The following DNAH9 variants were observed in gnomAD, a reference collection of about 807,000 sequenced individuals.
DNAH9 encodes dynein axonemal heavy chain 9.
Under a neutral mutation model 471.6 loss-of-function variants are expected in DNAH9, and 345 were observed. The observed-to-expected ratio is 0.73, with a 90% CI of 0.67 to 0.80. DNAH9 has a LOEUF of 0.80. Ranked by LOEUF, DNAH9 falls within the 30% of genes least tolerant of loss-of-function variation. The pLI is 0.00. For synonymous variants in DNAH9, 2,093 were observed against 2,123.6 expected, an observed-to-expected ratio of 0.99 and a Z score of 0.40; for missense variants, 5,407 against 5,609.2, an observed-to-expected ratio of 0.96 and a Z score of 1.15.
chr17:11,744,088 A>C (rs1240202766), intron 30 of DNAH9, among the ~76,000 whole-genome samples: 1 of 152,072 alleles, frequency 6.6e-6, no homozygotes, highest in African/African-American at 2.4e-5. Flanking sequence ...TCGGCCTCCC[A>C]AATTGCTGGG....
intron 67 of DNAH9, among the ~76,000 whole-genome samples, chr17:11,949,097 A>G (rs1975261046): frequency 6.6e-6 from 1 of 152,216 alleles, no homozygotes; most frequent in African/African-American, 2.4e-5. Context: ...TCCCTGACTT[A>G]AAAGAACGAA....
At chr17:11,731,044 ATGATGG>A (rs61052087) in intron 28 of DNAH9, among the ~76,000 whole-genome samples, 17,831 of 150,614 alleles carry the variant, frequency 0.12, 859 homozygotes, top group African/African-American at 0.19. Flanking sequence ...GGTGTCAGTG[ATGATGG>A]TGATGGTGAT....
At chr17:11,852,680 G>A (rs1174499403) in intron 49 of DNAH9, among the ~76,000 whole-genome samples, 1 of 151,614 alleles carries the variant, frequency 6.6e-6, no homozygotes, top group Non-Finnish European at 1.5e-5. Context: ...GCAATGAGTT[G>A]GGAGGGTAGT....
chr17:11,643,876 G>A (rs554843793), intron 10 of DNAH9, among the ~76,000 whole-genome samples: 56 of 152,176 alleles, frequency 3.7e-4, no homozygotes, highest in Admixed American at 9.8e-4. Flanking sequence ...ACTATACTAA[G>A]TGTTTGTGTA....
chr17:11,879,196 G>C (rs1972620838), intron 53 of DNAH9, among the ~76,000 whole-genome samples: 1 of 151,894 alleles, frequency 6.6e-6, no homozygotes, highest in African/African-American at 2.4e-5. Flanking sequence ...GAGAGGGCGG[G>C]GTAGGAGTTA....
chr17:11,671,700 T>G (rs1234962278), intron 17 of DNAH9, among the ~76,000 whole-genome samples: 1 of 152,200 alleles, frequency 6.6e-6, no homozygotes, highest in Non-Finnish European at 1.5e-5. Flanking sequence ...TGCTCAGCCC[T>G]GTGCAGGGAA....
intron 41 of DNAH9, among the ~76,000 whole-genome samples, chr17:11,791,015 G>A (rs1361125990): frequency 6.6e-6 from 1 of 152,004 alleles, no homozygotes; most frequent in Non-Finnish European, 1.5e-5. Flanking sequence ...CATTCCTTTA[G>A]AGTTACCCAT....
chr17:11,616,208 A>G (rs146311396), intron 4 of DNAH9, among the ~76,000 whole-genome samples: 15 of 152,328 alleles, frequency 9.8e-5, no homozygotes, highest in African/African-American at 3.6e-4. Flanking sequence ...ATAAAATACT[A>G]AAGTATGAAG....
chr17:11,813,756 T>C (rs890519211), intron 45 of DNAH9, among the ~76,000 whole-genome samples: 3 of 152,216 alleles, frequency 2.0e-5, no homozygotes, highest in Non-Finnish European at 4.4e-5. Flanking sequence ...CAAACCATGA[T>C]AGTAATTTGG....
rs987331263 is a variant in DNAH9 at position 11,926,069 on chromosome 17, G to C, written c.11877+2128G>C. 6.7e-5 allele frequency among the ~76,000 whole-genome samples: 9 copies of C among 134,442 alleles called. No homozygotes were observed. In the South Asian group the frequency reaches 7.4e-4, roughly 11 times the overall value. 88.2% of individuals were successfully genotyped at this position (134,442 alleles called of 152,430 possible). On this transcript the variant is annotated intron_variant, in intron 62 of 68. Transcript: ENST00000262442. ...AAAAAAAAAAAAAAAAAAAGCTGGGGGGGGAGGAATACACTTAACAAATTC... is the reference window on the plus strand; with the variant it reads ...AAAAAAAAAAAAAAAAAAAGCTGGGCGGGGAGGAATACACTTAACAAATTC...
rs1453338168 is a variant in DNAH9 at position 11,697,596 on chromosome 17, GT to G, written c.4873-2130del. On this transcript the variant is annotated intron_variant, in intron 22 of 68. Transcript: ENST00000262442. ...TCTTGAAAAAGTCTTCTTCTAGCAT[GT>G]TTTTAAATAATACATCTATCCCATT... Among the ~76,000 whole-genome samples the G allele has an allele frequency of 2.6e-5, 4 of 152,244 alleles. No individual in the cohort carries two copies. The East Asian group carries it at 7.7e-4, about 29-fold the overall frequency.
intron 26 of DNAH9, among the ~76,000 whole-genome samples, chr17:11,711,644 T>C (rs1175944467): frequency 6.6e-6 from 1 of 151,772 alleles, no homozygotes; most frequent in African/African-American, 2.4e-5. Context: ...TTCTTTCAAA[T>C]GACAAATTCA....
intron 49 of DNAH9, among the ~76,000 whole-genome samples, chr17:11,847,213 T>A (rs999346912): frequency 6.6e-6 from 1 of 152,228 alleles, no homozygotes; most frequent in Non-Finnish European, 1.5e-5. Context: ...TTTAGTTTAA[T>A]TAGATCTCAT....
chr17:11,925,996 C>G (rs1974305481), intron 62 of DNAH9, among the ~76,000 whole-genome samples: 1 of 134,962 alleles, frequency 7.4e-6, no homozygotes, highest in Non-Finnish European at 1.5e-5. Flanking sequence ...GAATCCTACC[C>G]AGCAATGTTT....
chr17:11,872,052 T>C lies in DNAH9; in HGVS notation c.10242+266T>C, dbSNP rs148837807. ...CTAGTCCTCTTCCCCGCGGGCTGTCTCCTAGCAATCCTTAAAGCTGTGAAA... is the reference window on the plus strand; with the variant it reads ...CTAGTCCTCTTCCCCGCGGGCTGTCCCCTAGCAATCCTTAAAGCTGTGAAA... On this transcript the variant is annotated intron_variant, in intron 52 of 68. Coordinates refer to ENST00000262442, the MANE Select transcript of DNAH9 (RefSeq NM_001372.4). Among the ~76,000 whole-genome samples the C allele has an allele frequency of 5.3e-5, 8 of 152,240 alleles. No individual in the cohort carries two copies. The East Asian group carries it at 1.4e-3, about 26-fold the overall frequency.
At chr17:11,813,514 T>A (rs1969994204) in intron 45 of DNAH9, among the ~76,000 whole-genome samples, 1 of 152,198 alleles carries the variant, frequency 6.6e-6, no homozygotes, top group Non-Finnish European at 1.5e-5. Flanking sequence ...CACCCTTGGA[T>A]AACATAGTAG....
At chr17:11,737,462 G>A (rs2075366590) in intron 28 of DNAH9, among the ~76,000 whole-genome samples, 1 of 152,120 alleles carries the variant, frequency 6.6e-6, no homozygotes, top group South Asian at 2.1e-4. Context: ...ACCGGCCCCA[G>A]CTTTTGGGTT....
chr17:11,762,758 G>GTTGTTTTTTTTTTTT, intron 35 of DNAH9, among the ~76,000 whole-genome samples: 1 of 94,790 alleles, frequency 1.1e-5, no homozygotes, highest in Admixed American at 1.4e-4. Flanking sequence ...CTTTAGGTGC[G>GTTGTTTTTTTTTTTT]TTTTTTTTTT....
chr17:11,643,587 A>G (rs780950501), intron 10 of DNAH9, among the ~76,000 whole-genome samples: 2 of 152,346 alleles, frequency 1.3e-5, no homozygotes, highest in Non-Finnish European at 2.9e-5. Flanking sequence ...CATAGAGTGT[A>G]TTTACACAAA....
Sources: allele counts gnomAD v4.1 joint callset (sites outside exome capture counted in the v4.1 genomes callset), GRCh38; gene constraint gnomAD v4.1.1; transcripts MANE v1.5; gene names NCBI Gene and HGNC (gene_info 2026-07-23, HGNC 2026-07-21).